FKTN: variants seen among roughly 807,000 people sequenced by gnomAD.
FKTN encodes fukutin.
In FKTN, 47 loss-of-function variants were observed where a neutral mutation model predicts 58.6. The observed-to-expected ratio is 0.80, with a 90% CI of 0.63 to 1.02. The LOEUF (loss-of-function observed/expected upper bound fraction) is 1.02, where lower values mean the gene tolerates loss of function less well. Ranked by LOEUF, FKTN falls within the 50% of genes least tolerant of loss-of-function variation. The pLI, the probability that FKTN is intolerant of heterozygous loss-of-function variation, is 0.00. For missense variants in FKTN, 516 were observed against 537.3 expected (o/e 0.96, Z 0.39); for synonymous variants, 178 against 191.9 (o/e 0.93, Z 0.60).
chr9:105,597,241 G>C lies in FKTN; in HGVS notation c.165+584G>C, dbSNP rs545184895. On this transcript the variant is annotated intron_variant, in intron 4 of 10. Coordinates refer to ENST00000357998, the MANE Select transcript of FKTN (RefSeq NM_001079802.2). Reference sequence around the variant, plus strand: ...ATTTATTCTGTTAGCATACATTATGGGAATGACCAGATATTTCTTGATACA... The same window carrying C: ...ATTTATTCTGTTAGCATACATTATGCGAATGACCAGATATTTCTTGATACA... Among the ~76,000 whole-genome samples the C allele has an allele frequency of 3.3e-5, 5 of 152,104 alleles. No homozygotes were observed. The South Asian group carries it at 6.2e-4, about 19-fold the overall frequency.
At chr9:105,634,713 G>T (rs193095363) in intron 10 of FKTN, among the ~76,000 whole-genome samples, 29 of 152,276 alleles carry the variant, frequency 1.9e-4, no homozygotes, top group African/African-American at 6.7e-4. Context: ...TTTCTACTTT[G>T]ACACTTCTTT....
At position 105,582,175 on chromosome 9, in the gene FKTN, C is replaced by T. The variant is rs1452723520; in HGVS notation, c.105+7038C>T. Among the ~76,000 whole-genome samples the T allele has an allele frequency of 2.0e-5, 3 of 152,170 alleles. No homozygotes were observed. The East Asian group carries it at 5.8e-4, about 29-fold the overall frequency. ...GTAGACCGGAGCTGTTCCTATTCGGCCATCTTGGCTCCTACCCGAAACTTT... is the reference window on the plus strand; with the variant it reads ...GTAGACCGGAGCTGTTCCTATTCGGTCATCTTGGCTCCTACCCGAAACTTT... On this transcript the variant is annotated intron_variant, in intron 3 of 10. Transcript: ENST00000357998.
At chr9:105,623,179 A>G (rs1832242469) in intron 10 of FKTN, 1 of 152,082 alleles carries the variant, frequency 6.6e-6, no homozygotes, top group Non-Finnish European at 1.5e-5. Context: ...TTTCCTTCCC[A>G]TTTTGAATCA....
Position 105,639,920 on chromosome 9 carries a change from C to A in FKTN, c.*4656C>A, listed in dbSNP as rs1834308828. On this transcript the variant is annotated 3_prime_UTR_variant, in exon 11 of 11. Coordinates refer to ENST00000357998, the MANE Select transcript of FKTN (RefSeq NM_001079802.2). The stretch of plus-strand genomic sequence containing the variant: ...ATTCTAGCCTTTCCTAGATGTAAAT[C>A]TTTACCTCCTTGTTAGTGAAATTAG... 8 of 1,447,382 alleles carry A rather than the reference C, an allele frequency of 5.5e-6. No individual in the cohort carries two copies. The highest frequency in any genetic ancestry group is 1.5e-5 in the South Asian group (1 of 67,300). 89.7% of individuals were successfully genotyped at this position (1,447,382 alleles called of 1,614,324 possible).
chr9:105,581,985 T>C (rs1430441480), intron 3 of FKTN, among the ~76,000 whole-genome samples: 2 of 152,190 alleles, frequency 1.3e-5, no homozygotes, highest in African/African-American at 4.8e-5. Context: ...CCTGACACCT[T>C]GCGCTTCCCA....
rs149325392 is a variant in FKTN at position 105,615,740 on chromosome 9, C to T, written c.910+333C>T. Among the ~76,000 whole-genome samples the T allele has an allele frequency of 9.1e-3, 1,382 of 152,102 alleles. 20 individuals carry two copies. The highest frequency in any genetic ancestry group is 0.029 in the African/African-American group (1,214 of 41,524). The stretch of plus-strand genomic sequence containing the variant: ...ACCACCAGTGGATGCCTGAAATCTC[C>T]GATAGTACTGAACCCTATATACGCT... On this transcript the variant is annotated intron_variant, in intron 8 of 10. Coordinates refer to ENST00000357998, the MANE Select transcript of FKTN (RefSeq NM_001079802.2).
intron 3 of FKTN, among the ~76,000 whole-genome samples, chr9:105,579,594 T>A (rs888676550): frequency 2.7e-5 from 4 of 150,686 alleles, no homozygotes; most frequent in Middle Eastern, 6.8e-3. Context: ...AAGTATGTGG[T>A]CAATTTTGGA....
intron 3 of FKTN, among the ~76,000 whole-genome samples, chr9:105,588,038 T>C (rs370090861): frequency 6.6e-6 from 1 of 152,216 alleles, no homozygotes; most frequent in Non-Finnish European, 1.5e-5. Context: ...TAATTTTTTC[T>C]GAAAGTACTA....
intron 3 of FKTN, among the ~76,000 whole-genome samples, chr9:105,580,955 GC>G: frequency 8.1e-6 from 1 of 123,056 alleles, no homozygotes; most frequent in Non-Finnish European, 1.6e-5. Flanking sequence ...CCAGTTGATC[GC>G]ATCGGCTCCT....
In FKTN at chr9:105,601,129, T is replaced by C. The variant is rs376580908; in HGVS notation, c.166-16T>C. Reference sequence around the variant, plus strand: ...TGGCTTACTGGAATTACGAGAATTCTTTTTCTCTCAAACAGCGTGCAGTTA... The same window carrying C: ...TGGCTTACTGGAATTACGAGAATTCCTTTTCTCTCAAACAGCGTGCAGTTA... On this transcript the variant is annotated splice_polypyrimidine_tract_variant and intron_variant, in intron 4 of 10. Coordinates refer to ENST00000357998, the MANE Select transcript of FKTN (RefSeq NM_001079802.2). The C allele has an allele frequency of 2.0e-6, 3 of 1,468,186 alleles. No individual in the cohort carries two copies. The highest frequency in any genetic ancestry group is 2.9e-6 in the Non-Finnish European group (3 of 1,051,010). The allele number at this position is 1,468,186 out of a possible 1,614,324, so 90.9% of individuals were successfully genotyped here.
At chr9:105,634,928 ACT>A (rs1439589753) in intron 10 of FKTN, 121 bp from the exon 11 acceptor site, 2 of 820,666 alleles carry the variant, frequency 2.4e-6, no homozygotes, top group Non-Finnish European at 4.3e-6. Context: ...TTAAATATCC[ACT>A]CTCTTCCCAA....
chr9:105,565,172 C>T (rs78445867), intron 1 of FKTN, among the ~76,000 whole-genome samples: 2 of 152,098 alleles, frequency 1.3e-5, no homozygotes, highest in Admixed American at 6.6e-5. Context: ...AAGGAACAGC[C>T]GATACCAGCC....
In FKTN at chr9:105,640,041, A is replaced by C; in HGVS notation, c.*4777A>C. 1.3e-6 allele frequency: 2 copies of C among 1,533,162 alleles called. No individual in the cohort carries two copies. The highest frequency in any genetic ancestry group is 1.7e-6 in the Non-Finnish European group (2 of 1,144,780). The allele number at this position is 1,533,162 out of a possible 1,614,324, so 95.0% of individuals were successfully genotyped here. On this transcript the variant is annotated 3_prime_UTR_variant, in exon 11 of 11. Coordinates refer to ENST00000357998, the MANE Select transcript of FKTN (RefSeq NM_001079802.2). ...ATGCCTGTATCATTGTTAATAAAGG[A>C]GAATTGAAAATACTCATTTCTACTT...
In FKTN at chr9:105,640,844, A is replaced by C. The variant is rs1314704928; in HGVS notation, c.*5580A>C. 1 of 152,214 alleles carries C rather than the reference A, an allele frequency of 6.6e-6. No individual in the cohort carries two copies. The allele number at this position is 152,214 out of a possible 1,614,324, so 9.4% of individuals were successfully genotyped here. A position where few individuals can be genotyped will look rare whatever the true frequency, so the allele number is the denominator to read the frequency against. ...TGATGATTCATTCAAAGCATGGGGA[A>C]TAGTTCATATGTTTGTTAAATGAAA... On this transcript the variant is annotated 3_prime_UTR_variant, in exon 11 of 11. Coordinates refer to ENST00000357998, the MANE Select transcript of FKTN (RefSeq NM_001079802.2).
At chr9:105,578,549 A>T (rs1842214478) in intron 3 of FKTN, among the ~76,000 whole-genome samples, 1 of 148,214 alleles carries the variant, frequency 6.7e-6, no homozygotes, top group African/African-American at 2.5e-5. Flanking sequence ...AAGCTTTTTG[A>T]TGTGCTGCTG....
intron 7 of FKTN, among the ~76,000 whole-genome samples, chr9:105,611,541 C>T (rs893116926): frequency 3.9e-5 from 6 of 152,104 alleles, no homozygotes; most frequent in Non-Finnish European, 8.8e-5. Flanking sequence ...TGTTGTTCCC[C>T]TCTATGCGTC....
rs370164495 is a variant in FKTN at position 105,592,319 on chromosome 9, C to G, written c.106-4279C>G. 2.0e-5 allele frequency among the ~76,000 whole-genome samples: 3 copies of G among 152,242 alleles called. No individual in the cohort carries two copies. In the East Asian group the frequency reaches 5.8e-4, roughly 29 times the overall value. On this transcript the variant is annotated intron_variant, in intron 3 of 10. Coordinates refer to ENST00000357998, the MANE Select transcript of FKTN (RefSeq NM_001079802.2). ...CATAGGTTGTTAGAAGCAGCCAGGC[C>G]AGATCTTGAACTCTTTGCTGCTTAG...
rs118067906 is a variant in FKTN at position 105,569,521 on chromosome 9, C to T, written c.-180-4134C>T. On this transcript the variant is annotated intron_variant, in intron 1 of 10. Transcript: ENST00000357998. ...GAATGTGTTCTTGGCTGGAGATGACCTACTCTTGGGGTCTAGCTGCCCCAA... is the reference window on the plus strand; with the variant it reads ...GAATGTGTTCTTGGCTGGAGATGACTTACTCTTGGGGTCTAGCTGCCCCAA... Among the ~76,000 whole-genome samples the T allele has an allele frequency of 7.0e-3, 1,062 of 152,174 alleles. 11 individuals carry two copies. The highest frequency in any genetic ancestry group is 0.017 in the Middle Eastern group (5 of 294).
At chr9:105,564,448 C>T (rs956919430) in intron 1 of FKTN, among the ~76,000 whole-genome samples, 3 of 152,116 alleles carry the variant, frequency 2.0e-5, no homozygotes, top group Non-Finnish European at 2.9e-5. Flanking sequence ...CAGAGAAGTC[C>T]TTAAAGGACC....
Sources: gnomAD v4.1 joint callset for allele counts (sites outside exome capture counted in the v4.1 genomes callset) on GRCh38, gnomAD v4.1.1 for gene constraint, MANE v1.5 for transcripts, NCBI Gene and HGNC (gene_info 2026-07-23, HGNC 2026-07-21) for gene names.